MYCBP2: variants seen among roughly 807,000 people sequenced by gnomAD.
The protein encoded by MYCBP2 is MYC binding protein 2.
A neutral mutation model predicts 525.3 loss-of-function variants in MYCBP2; 120 were observed. The observed-to-expected ratio is 0.23, with a 90% CI of 0.20 to 0.27. The LOEUF (loss-of-function observed/expected upper bound fraction) is 0.27, where lower values mean the gene tolerates loss of function less well. MYCBP2 is among the 10% of genes least tolerant of loss of function. MYCBP2 has a pLI of 1.00. For synonymous variants in MYCBP2, 1,894 were observed against 1,955.8 expected (o/e 0.97, Z 0.83); for missense variants, 4,149 against 5,657.1 (o/e 0.73, Z 8.55).
chr13:77,118,587 G>A (rs962976072), intron 55 of MYCBP2: 6 of 676,700 alleles, frequency 8.9e-6, no homozygotes, highest in Middle Eastern at 4.9e-4. Context: ...TTCAGATAGA[G>A]TTGAACACTA....
intron 28 of MYCBP2, 125 bp downstream of exon 28, chr13:77,191,554 G>A: frequency 2.7e-6 from 3 of 1,097,236 alleles, no homozygotes; most frequent in Admixed American, 2.9e-5. Flanking sequence ...TTAATTTTTA[G>A]CAGTTATATT....
chr13:77,275,434 G>A (rs995641039), intron 4 of MYCBP2, among the ~76,000 whole-genome samples: 8 of 152,032 alleles, frequency 5.3e-5, no homozygotes, highest in Non-Finnish European at 1.2e-4. Context: ...CTTACTAAAT[G>A]CTGTTATTTC....
chr13:77,164,075 G>A (rs959925623), intron 43 of MYCBP2, among the ~76,000 whole-genome samples: 3 of 151,814 alleles, frequency 2.0e-5, no homozygotes, highest in Non-Finnish European at 4.4e-5. Context: ...CATTTCTATC[G>A]ACCTGTTCTC....
intron 22 of MYCBP2, among the ~76,000 whole-genome samples, chr13:77,211,621 C>A (rs1316873303): frequency 1.3e-5 from 2 of 152,022 alleles, no homozygotes; most frequent in East Asian, 3.9e-4. Context: ...ATTTATATAA[C>A]CTCCCATAAA....
At position 77,044,868 on chromosome 13, in the gene MYCBP2, A is replaced by G. The variant is rs1156440344; in HGVS notation, c.*510T>C. Reference sequence around the variant, plus strand: ...TTGATATGTTTATATACAGTGTGATACTTATTACATTTATATGCTGTCCTA... The same window carrying G: ...TTGATATGTTTATATACAGTGTGATGCTTATTACATTTATATGCTGTCCTA... On this transcript the variant is annotated 3_prime_UTR_variant, in exon 83 of 83. Coordinates refer to ENST00000544440, the MANE Select transcript of MYCBP2 (RefSeq NM_015057.5). The G allele has an allele frequency of 5.0e-6, 2 of 399,690 alleles. No individual in the cohort carries two copies. The highest frequency in any genetic ancestry group is 8.8e-6 in the Non-Finnish European group (2 of 226,716). The allele number at this position is 399,690 out of a possible 1,614,324, so 24.8% of individuals were successfully genotyped here.
At chr13:77,109,850 C>A (rs1314130593) in intron 55 of MYCBP2, 1 of 152,158 alleles carries the variant, frequency 6.6e-6, no homozygotes, top group Non-Finnish European at 1.5e-5. Flanking sequence ...ACTGCAATCT[C>A]TGAACATAAA....
At chr13:77,108,394 A>C (rs2048193828) in intron 55 of MYCBP2, among the ~76,000 whole-genome samples, 1 of 152,206 alleles carries the variant, frequency 6.6e-6, no homozygotes, top group Non-Finnish European at 1.5e-5. Context: ...TATATATCTT[A>C]GGCCTTAGAA....
At chr13:77,104,972 T>C (rs1434159208) in intron 55 of MYCBP2, among the ~76,000 whole-genome samples, 6 of 152,110 alleles carry the variant, frequency 3.9e-5, no homozygotes, top group African/African-American at 1.4e-4. Flanking sequence ...AAGGAGCTCT[T>C]ATGCTATTTA....
chr13:77,069,622 C>T lies in MYCBP2; in HGVS notation c.11905-791G>A, dbSNP rs555386823. The stretch of plus-strand genomic sequence containing the variant: ...CTGTAATCCCAGCACTTTGGGAGGC[C>T]GAGGCGGGTGGATCACGAGGTCAGG... On this transcript the variant is annotated intron_variant, in intron 69 of 82. Coordinates refer to ENST00000544440, the MANE Select transcript of MYCBP2 (RefSeq NM_015057.5). Among the ~76,000 whole-genome samples the T allele has an allele frequency of 1.1e-4, 16 of 148,690 alleles. No individual in the cohort carries two copies. The South Asian group carries it at 2.6e-3, about 24-fold the overall frequency.
rs1204560812 is a variant in MYCBP2 at position 77,141,546 on chromosome 13, G to A, written c.7304-603C>T. Reference sequence around the variant, plus strand: ...AGCACTTTGGGAGGCCGGGGCAGGCGGATCACCTGAGGTCGGGAGTTCAAG... The same window carrying A: ...AGCACTTTGGGAGGCCGGGGCAGGCAGATCACCTGAGGTCGGGAGTTCAAG... On this transcript the variant is annotated intron_variant, in intron 49 of 82. Coordinates refer to ENST00000544440, the MANE Select transcript of MYCBP2 (RefSeq NM_015057.5). 3.3e-5 allele frequency among the ~76,000 whole-genome samples: 5 copies of A among 152,180 alleles called. No homozygotes were observed. In the East Asian group the frequency reaches 7.7e-4, roughly 24 times the overall value.
chr13:77,207,417 T>G (rs1411526261), intron 23 of MYCBP2, among the ~76,000 whole-genome samples: 1 of 152,132 alleles, frequency 6.6e-6, no homozygotes, highest in Non-Finnish European at 1.5e-5. Context: ...TTCAAAAAAC[T>G]ATCTCCACTT....
chr13:77,059,498 A>G (rs1428815574), intron 77 of MYCBP2, 25 bp downstream of exon 77: 8 of 1,523,564 alleles, frequency 5.3e-6, no homozygotes, highest in Non-Finnish European at 6.4e-6. Flanking sequence ...GGACAATGGG[A>G]TGGCCTGTGT....
At chr13:77,264,273 G>A (rs1445333194) in intron 8 of MYCBP2, among the ~76,000 whole-genome samples, 2 of 151,946 alleles carry the variant, frequency 1.3e-5, no homozygotes, top group African/African-American at 4.8e-5. Context: ...GATATAGTCT[G>A]ACAGTAAACA....
intron 43 of MYCBP2, among the ~76,000 whole-genome samples, chr13:77,164,005 C>T (rs1045547380): frequency 2.6e-5 from 4 of 152,178 alleles, no homozygotes; most frequent in Non-Finnish European, 5.9e-5. Context: ...TTCTTATCTA[C>T]TTGCTGTAGA....
At chr13:77,325,015 C>T (rs1467725873) in intron 1 of MYCBP2, among the ~76,000 whole-genome samples, 2 of 152,210 alleles carry the variant, frequency 1.3e-5, no homozygotes, top group Non-Finnish European at 2.9e-5. Flanking sequence ...GCCATTCTGG[C>T]CTTCAGTTCA....
chr13:77,274,695 A>T (rs1259002606), intron 4 of MYCBP2, among the ~76,000 whole-genome samples: 1 of 152,122 alleles, frequency 6.6e-6, no homozygotes, highest in African/African-American at 2.4e-5. Context: ...TCTCATCATC[A>T]TCTTTCCAAT....
At position 77,168,709 on chromosome 13, in the gene MYCBP2, A is replaced by G. The variant is rs906056578; in HGVS notation, c.5896-63T>C. 7.3e-5 allele frequency: 103 copies of G among 1,414,922 alleles called. 1 individual carries two copies. The Admixed American group carries it at 1.8e-3, about 25-fold the overall frequency. 87.6% of individuals were successfully genotyped at this position (1,414,922 alleles called of 1,614,324 possible). On this transcript the variant is annotated intron_variant, in intron 39 of 82. Coordinates refer to ENST00000544440, the MANE Select transcript of MYCBP2 (RefSeq NM_015057.5). ...CGTGAAAGTGGTTCTAAAATTATGC[A>G]TTACAATAATTGTTGGTTACTCTAA...
At chr13:77,132,690 T>C (rs1054662893) in intron 52 of MYCBP2, among the ~76,000 whole-genome samples, 35 of 152,166 alleles carry the variant, frequency 2.3e-4, no homozygotes, top group African/African-American at 8.2e-4. Context: ...AAAGATCTCA[T>C]TTTTGACAGA....
At chr13:77,196,659 G>A (rs2061784811) in intron 26 of MYCBP2, among the ~76,000 whole-genome samples, 1 of 152,216 alleles carries the variant, frequency 6.6e-6, no homozygotes, top group South Asian at 2.1e-4. Flanking sequence ...GGAAACAGAA[G>A]AATGAAGTTA....
Sources: allele counts gnomAD v4.1 joint callset (sites outside exome capture counted in the v4.1 genomes callset), GRCh38; gene constraint gnomAD v4.1.1; transcripts MANE v1.5; gene names NCBI Gene and HGNC (gene_info 2026-07-23, HGNC 2026-07-21).